The following ZNRF2 variants were observed in gnomAD, a reference collection of about 807,000 sequenced individuals.
ZNRF2 encodes the protein E3 ubiquitin-protein ligase ZNRF2.
Under a neutral mutation model 20.4 loss-of-function variants are expected in ZNRF2, and 16 were observed. That is an observed-to-expected ratio of 0.79 (90% CI 0.53 to 1.19). The LOEUF (loss-of-function observed/expected upper bound fraction) is 1.19, where lower values mean the gene tolerates loss of function less well. ZNRF2 is among the 50% of genes most tolerant of loss of function. The pLI is 0.00. For missense variants in ZNRF2, 363 were observed against 332.4 expected (o/e 1.09, Z -0.72); for synonymous variants, 178 against 144.9 (o/e 1.23, Z -1.64).
chr7:30,290,285 A>G (rs1202869776), intron 1 of ZNRF2, among the ~76,000 whole-genome samples: 1 of 152,270 alleles, frequency 6.6e-6, no homozygotes, highest in Non-Finnish European at 1.5e-5. Flanking sequence ...TTCGTTTTCT[A>G]AGCTGCTTAT....
intron 2 of ZNRF2, among the ~76,000 whole-genome samples, chr7:30,330,943 A>C (rs768656421): frequency 6.6e-6 from 1 of 152,142 alleles, no homozygotes; most frequent in Non-Finnish European, 1.5e-5. Flanking sequence ...GTTTTAACTT[A>C]AATGTGGATC....
At chr7:30,330,285 G>A (rs1014095938) in intron 2 of ZNRF2, among the ~76,000 whole-genome samples, 6 of 152,168 alleles carry the variant, frequency 3.9e-5, no homozygotes, top group Non-Finnish European at 8.8e-5. Context: ...TCAAAACAGA[G>A]CTATTCAGAA....
At chr7:30,357,036 G>A (rs562816811) in intron 3 of ZNRF2, among the ~76,000 whole-genome samples, 1 of 151,920 alleles carries the variant, frequency 6.6e-6, no homozygotes, top group Non-Finnish European at 1.5e-5. Context: ...ACCCTCAGAC[G>A]AAACTGACAA....
At chr7:30,350,586 G>T (rs961220433) in intron 2 of ZNRF2, among the ~76,000 whole-genome samples, 4 of 151,914 alleles carry the variant, frequency 2.6e-5, no homozygotes, top group Admixed American at 1.3e-4. Context: ...TACAGTAATA[G>T]CTCATGGATC....
rs1798753321 is a variant in ZNRF2, at chr7:30,285,295, C to G, written c.-63C>G. 1 of 1,047,548 alleles carries G rather than the reference C, an allele frequency of 9.5e-7. No individual in the cohort carries two copies. The highest frequency in any genetic ancestry group is 1.1e-6 in the Non-Finnish European group (1 of 870,918). The allele number at this position is 1,047,548 out of a possible 1,614,324, so 64.9% of individuals were successfully genotyped here. On this transcript the variant is annotated 5_prime_UTR_variant, in exon 1 of 5. Transcript: ENST00000323037. Reference sequence around the variant, plus strand: ...TGGGCCCTGCCCTCTAGCTCCCGCGCTCGCTCCCGCCCTCCCGGCTCTCGG... The same window carrying G: ...TGGGCCCTGCCCTCTAGCTCCCGCGGTCGCTCCCGCCCTCCCGGCTCTCGG...
chr7:30,367,021 G>C lies in ZNRF2; in HGVS notation c.*1009G>C, dbSNP rs1800227794. The C allele has an allele frequency of 6.6e-6, 1 of 152,470 alleles. No homozygotes were observed. The allele number at this position is 152,470 out of a possible 1,614,324, so 9.4% of individuals were successfully genotyped here. On this transcript the variant is annotated 3_prime_UTR_variant, in exon 5 of 5. Transcript: ENST00000323037. ...GAAAAGGGTAAAATAAAATTTTCTGGAGAGGAACTTGGAATTTGAGGGAGA... is the reference window on the plus strand; with the variant it reads ...GAAAAGGGTAAAATAAAATTTTCTGCAGAGGAACTTGGAATTTGAGGGAGA...
chr7:30,298,464 T>A (rs975510715), intron 1 of ZNRF2, among the ~76,000 whole-genome samples: 3 of 152,246 alleles, frequency 2.0e-5, no homozygotes, highest in African/African-American at 7.2e-5. Context: ...GGCCATTTTC[T>A]TAGGGATATT....
At chr7:30,338,463 C>A (rs1212930701) in intron 2 of ZNRF2, among the ~76,000 whole-genome samples, 3 of 109,464 alleles carry the variant, frequency 2.7e-5, no homozygotes, top group Non-Finnish European at 5.1e-5. Context: ...GTGTGATATT[C>A]CCCTCCCTGT....
chr7:30,299,226 G>A (rs1292076017), intron 1 of ZNRF2, among the ~76,000 whole-genome samples: 1 of 152,164 alleles, frequency 6.6e-6, no homozygotes. Flanking sequence ...TCAGGAGTTC[G>A]AGACCAGCCG....
intron 1 of ZNRF2, among the ~76,000 whole-genome samples, chr7:30,298,227 T>TGTGTATAA (rs1222670610): frequency 8.5e-5 from 13 of 152,314 alleles, no homozygotes; most frequent in Admixed American, 8.5e-4. Context: ...TGCATCTGTT[T>TGTGTATAA]GTGTATATAT....
intron 1 of ZNRF2, among the ~76,000 whole-genome samples, chr7:30,293,865 TCCGA>T (rs1405085323): frequency 6.6e-6 from 1 of 152,230 alleles, no homozygotes; most frequent in Non-Finnish European, 1.5e-5. Flanking sequence ...TTTCATAAGT[TCCGA>T]CCATGTGGAA....
intron 4 of ZNRF2, 38 bp downstream of exon 4, chr7:30,362,494 C>G: frequency 1.6e-6 from 2 of 1,232,308 alleles, no homozygotes; most frequent in Non-Finnish European, 2.3e-6. Context: ...AGCGTTAGCC[C>G]AAATTATACA....
chr7:30,350,305 A>G (rs1298745930), intron 2 of ZNRF2, among the ~76,000 whole-genome samples: 2 of 152,054 alleles, frequency 1.3e-5, no homozygotes, highest in African/African-American at 4.8e-5. Flanking sequence ...TCATCAAAAG[A>G]GTAACAAATT....
intron 1 of ZNRF2, among the ~76,000 whole-genome samples, chr7:30,288,181 C>T (rs768047786): frequency 6.6e-6 from 1 of 152,172 alleles, no homozygotes; most frequent in East Asian, 1.9e-4. Flanking sequence ...TTGACTAGTT[C>T]ACATTTACTT....
chr7:30,353,160 T>A (rs1243971912), intron 2 of ZNRF2, among the ~76,000 whole-genome samples: 1 of 152,122 alleles, frequency 6.6e-6, no homozygotes, highest in African/African-American at 2.4e-5. Context: ...GAAGCTGTAA[T>A]CATGAGGTTT....
chr7:30,289,042 C>G (rs1477098330), intron 1 of ZNRF2: 1 of 152,090 alleles, frequency 6.6e-6, no homozygotes, highest in Non-Finnish European at 1.5e-5. Context: ...GAGATTATTT[C>G]CAGAGAAATC....
intron 1 of ZNRF2, among the ~76,000 whole-genome samples, chr7:30,307,771 TCTTAAA>T (rs1195376133): frequency 2.0e-5 from 3 of 152,172 alleles, no homozygotes; most frequent in African/African-American, 7.2e-5. Flanking sequence ...AATGTTTCAC[TCTTAAA>T]CTTAGATTGT....
At chr7:30,340,167 T>C (rs1378556536) in intron 2 of ZNRF2, among the ~76,000 whole-genome samples, 3 of 152,214 alleles carry the variant, frequency 2.0e-5, no homozygotes, top group African/African-American at 7.2e-5. Flanking sequence ...ATGGGGTTTC[T>C]AAATATACAA....
intron 1 of ZNRF2, among the ~76,000 whole-genome samples, chr7:30,291,967 A>C (rs1031162525): frequency 2.0e-4 from 30 of 152,172 alleles, no homozygotes; most frequent in African/African-American, 7.0e-4. Flanking sequence ...TAAAAATAAT[A>C]CCTGTTCACT....
Sources: allele counts gnomAD v4.1 joint callset (sites outside exome capture counted in the v4.1 genomes callset), GRCh38; gene constraint gnomAD v4.1.1; transcripts MANE v1.5; gene names NCBI Gene and HGNC (gene_info 2026-07-23, HGNC 2026-07-21).